Variants in LY96 observed in about 807,000 individuals in gnomAD.
LY96 encodes lymphocyte antigen 96.
Under a neutral mutation model 18.9 loss-of-function variants are expected in LY96, and 18 were observed. That is an observed-to-expected ratio of 0.95 (90% CI 0.66 to 1.41). The LOEUF is 1.41. LY96 is among the 40% of genes most tolerant of loss of function. The pLI is 0.00. For missense variants in LY96, 175 were observed against 182.4 expected (o/e 0.96, Z 0.23); for synonymous variants, 66 against 62.6 (o/e 1.06, Z -0.26).
chr8:74,054,816 G>T, the LY96 span, among the ~76,000 whole-genome samples: 1 of 150,168 alleles, frequency 6.7e-6, no homozygotes. Flanking sequence ...GGCATGTGCC[G>T]CCATGCCCAG....
intron 4 of LY96, among the ~76,000 whole-genome samples, chr8:74,028,055 A>C (rs1208972856): frequency 6.6e-6 from 1 of 152,234 alleles, no homozygotes; most frequent in African/African-American, 2.4e-5. Flanking sequence ...GGTTTAAGAA[A>C]GCCTTAAAGG....
chr8:74,068,102 A>ATATATATATATATATATAT, the LY96 span, among the ~76,000 whole-genome samples: 2 of 139,302 alleles, frequency 1.4e-5, no homozygotes, highest in Admixed American at 7.0e-5. Flanking sequence ...ATATATATAT[A>ATATATATATATATATATAT]ACATTTCCTT....
chr8:74,082,375 A>G, the LY96 span, among the ~76,000 whole-genome samples: 1 of 152,330 alleles, frequency 6.6e-6, no homozygotes, highest in South Asian at 2.1e-4. Flanking sequence ...GGCCATCCTC[A>G]TGACTGTGGT....
At chr8:74,098,534 C>T in the LY96 span, among the ~76,000 whole-genome samples, 2 of 152,128 alleles carry the variant, frequency 1.3e-5, no homozygotes, top group Non-Finnish European at 2.9e-5. Flanking sequence ...CACCACCACG[C>T]CCAGCTAATA....
chr8:74,017,327 A>G (rs1266220001), intron 3 of LY96, among the ~76,000 whole-genome samples: 1 of 152,202 alleles, frequency 6.6e-6, no homozygotes, highest in Non-Finnish European at 1.5e-5. Context: ...AATTAGTGAA[A>G]TGAAGCAAGA....
intron 1 of LY96, 40 bp downstream of exon 1, chr8:73,991,594 A>G: frequency 8.4e-7 from 1 of 1,193,140 alleles, no homozygotes; most frequent in South Asian, 1.2e-5. Context: ...AGCATCAACT[A>G]TTTTGAGGGT....
the LY96 span, among the ~76,000 whole-genome samples, chr8:74,082,831 C>T: frequency 6.6e-6 from 1 of 152,212 alleles, no homozygotes; most frequent in East Asian, 1.9e-4. Flanking sequence ...GGAAACTTAG[C>T]AAGGCCTGTT....
chr8:74,001,109 T>C (rs948658967), intron 1 of LY96, among the ~76,000 whole-genome samples: 1 of 152,102 alleles, frequency 6.6e-6, no homozygotes, highest in Non-Finnish European at 1.5e-5. Context: ...CTTATAGTTA[T>C]GACAGTCTGT....
the LY96 span, among the ~76,000 whole-genome samples, chr8:74,051,117 T>C: frequency 2.6e-5 from 4 of 152,196 alleles, no homozygotes; most frequent in Non-Finnish European, 4.4e-5. Context: ...ATGTGGCCAA[T>C]GGGCAGAAGA....
chr8:74,096,829 G>T, the LY96 span, among the ~76,000 whole-genome samples: 19 of 152,126 alleles, frequency 1.2e-4, no homozygotes, highest in Non-Finnish European at 2.5e-4. Flanking sequence ...AGGGTGATGT[G>T]AATACTTCTC....
chr8:74,033,538 G>C (rs904753296), downstream of LY96, among the ~76,000 whole-genome samples: 2 of 152,172 alleles, frequency 1.3e-5, no homozygotes, highest in Non-Finnish European at 1.5e-5. Context: ...TTATGAGCAG[G>C]GGGCCTCTTT....
chr8:74,095,665 C>T, the LY96 span, among the ~76,000 whole-genome samples: 2 of 152,216 alleles, frequency 1.3e-5, no homozygotes, highest in Non-Finnish European at 1.5e-5. Context: ...CAAGACTCTG[C>T]ACTTTCCCTC....
At chr8:74,099,467 A>C in the LY96 span, 2 of 152,184 alleles carry the variant, frequency 1.3e-5, no homozygotes, top group Non-Finnish European at 2.9e-5. Context: ...GAGACAATTG[A>C]CCATGGAGTG....
intron 1 of LY96, among the ~76,000 whole-genome samples, chr8:73,993,525 G>A (rs1056155104): frequency 6.6e-6 from 1 of 151,780 alleles, no homozygotes; most frequent in Admixed American, 6.6e-5. Flanking sequence ...TCACTGCAAC[G>A]ACCGCCTCCT....
chr8:74,079,824 A>G, the LY96 span, among the ~76,000 whole-genome samples: 4 of 152,042 alleles, frequency 2.6e-5, no homozygotes, highest in African/African-American at 9.7e-5. Flanking sequence ...TGCTGGGATT[A>G]CAGGTGTGAA....
chr8:74,081,049 T>TC, the LY96 span, among the ~76,000 whole-genome samples: 583 of 103,758 alleles, frequency 5.6e-3, 9 homozygotes, highest in African/African-American at 0.015. Flanking sequence ...TTTCTTTCTT[T>TC]TTCTTTCTTT....
chr8:74,086,744 A>G, the LY96 span, among the ~76,000 whole-genome samples: 1 of 152,182 alleles, frequency 6.6e-6, no homozygotes, highest in Non-Finnish European at 1.5e-5. Context: ...GGCCCTTGGG[A>G]GGCACAGCCC....
At chr8:74,055,052 C>T in the LY96 span, among the ~76,000 whole-genome samples, 1 of 152,012 alleles carries the variant, frequency 6.6e-6, no homozygotes, top group Non-Finnish European at 1.5e-5. Context: ...GCACTACAGG[C>T]CAGCACCACC....
At chr8:74,056,862 G>A in the LY96 span, among the ~76,000 whole-genome samples, 10 of 152,256 alleles carry the variant, frequency 6.6e-5, no homozygotes, top group African/African-American at 2.2e-4. Flanking sequence ...GACCCTGAGC[G>A]TGGAACTAGT....
Sources: allele counts gnomAD v4.1 joint callset (sites outside exome capture counted in the v4.1 genomes callset), GRCh38; gene constraint gnomAD v4.1.1; transcripts MANE v1.5; gene names NCBI Gene and HGNC (gene_info 2026-07-23, HGNC 2026-07-21).